The following GLRA2 variants were observed in gnomAD, a reference collection of about 807,000 sequenced individuals.
GLRA2 encodes glycine receptor alpha 2.
GLRA2 carries 11 observed loss-of-function variants against 31.6 expected under a neutral mutation model. The ratio of observed to expected loss-of-function variants is 0.35; its 90% CI spans 0.22 to 0.58. The LOEUF (loss-of-function observed/expected upper bound fraction) is 0.58, where lower values mean the gene tolerates loss of function less well. Ranked by LOEUF, GLRA2 falls within the 20% of genes least tolerant of loss-of-function variation. GLRA2 has a pLI of 0.84. For missense variants in GLRA2, 212 were observed against 351.8 expected, an observed-to-expected ratio of 0.60 and a Z score of 3.18; for synonymous variants, 132 against 134.0, an observed-to-expected ratio of 0.99 and a Z score of 0.10.
At chrX:14,700,442 A>G (rs1365698158) in intron 8 of GLRA2, among the ~76,000 whole-genome samples, 2 of 111,303 alleles carry the variant, frequency 1.8e-5, no homozygotes, top group Admixed American at 9.6e-5. Context: ...AGGCAGGGGG[A>G]AAGGAGCCCA....
chrX:14,487,571 C>T, the GLRA2 span, among the ~76,000 whole-genome samples: 1 of 111,021 alleles, frequency 9.0e-6, no homozygotes, highest in Non-Finnish European at 1.9e-5. Flanking sequence ...CCAGCATGAG[C>T]CTGATTATTC....
chrX:14,491,181 A>G, the GLRA2 span, among the ~76,000 whole-genome samples: 4 of 112,289 alleles, frequency 3.6e-5, no homozygotes, highest in African/African-American at 1.3e-4. Context: ...TTTTTTAAAC[A>G]TCAATAATAA....
chrX:14,654,288 T>C (rs1022322918), intron 7 of GLRA2, among the ~76,000 whole-genome samples: 1 of 111,889 alleles, frequency 8.9e-6, no homozygotes, highest in African/African-American at 3.2e-5. Context: ...AGATGATTGT[T>C]AGTATTTTTT....
chrX:14,508,380 G>A, the GLRA2 span, among the ~76,000 whole-genome samples: 27 of 112,384 alleles, frequency 2.4e-4, no homozygotes, highest in African/African-American at 8.1e-4. Flanking sequence ...AGGAGGGCTT[G>A]ATTAAATCTA....
At chrX:14,611,766 G>C (rs751549417) in intron 7 of GLRA2, among the ~76,000 whole-genome samples, 32 of 112,009 alleles carry the variant, frequency 2.9e-4, no homozygotes, top group African/African-American at 1.0e-3. Flanking sequence ...ACCTAGAACA[G>C]TATGTGGCTT....
intron 8 of GLRA2, among the ~76,000 whole-genome samples, chrX:14,698,090 A>C (rs1424072669): frequency 8.9e-6 from 1 of 111,945 alleles, no homozygotes; most frequent in Non-Finnish European, 1.9e-5. Context: ...AGGGTGAGGC[A>C]AGGTGAAGCA....
At chrX:14,490,891 G>T in the GLRA2 span, among the ~76,000 whole-genome samples, 1,337 of 111,456 alleles carry the variant, frequency 0.012, 18 homozygotes, top group African/African-American at 0.039. Context: ...ACCAGCTTCA[G>T]CACACAGCAC....
At chrX:14,584,851 G>T (rs1024591330) in intron 4 of GLRA2, among the ~76,000 whole-genome samples, 1 of 111,813 alleles carries the variant, frequency 8.9e-6, no homozygotes, top group African/African-American at 3.3e-5. Context: ...GCCTTGGGTG[G>T]CATTTGCTCT....
At chrX:14,532,066 C>T (rs1480295046) in intron 1 of GLRA2, among the ~76,000 whole-genome samples, 173 bp from the exon 2 acceptor site, 4 of 112,216 alleles carry the variant, frequency 3.6e-5, no homozygotes, top group Non-Finnish European at 5.6e-5. Context: ...TTAAAGTTAA[C>T]TTTAGAACAT....
intron 7 of GLRA2, among the ~76,000 whole-genome samples, chrX:14,663,708 TTATC>T (rs1438021077): frequency 8.9e-6 from 1 of 111,813 alleles, no homozygotes; most frequent in African/African-American, 3.2e-5. Context: ...TCATGTTAAT[TTATC>T]TAAGGAGAAA....
At position 14,698,576 on chromosome X, in the gene GLRA2, G is replaced by A. The variant is rs1233673077; in HGVS notation, c.1080+7717G>A. Among the ~76,000 whole-genome samples, 5 of 104,883 alleles carry A rather than the reference G, an allele frequency of 4.8e-5. No individual in the cohort carries two copies. The Admixed American group carries it at 5.2e-4, about 11-fold the overall frequency. 91.1% of individuals were successfully genotyped at this position (104,883 alleles called of 115,157 possible). A position where few individuals can be genotyped will look rare whatever the true frequency, so the allele number is the denominator to read the frequency against. ...ACCTGTGGTCCCAGGAACTCATGAG[G>A]CTGAGGCAGGAGAATCACTTGAACC... On this transcript the variant is annotated intron_variant, in intron 8 of 8. Transcript: ENST00000218075.
the GLRA2 span, among the ~76,000 whole-genome samples, chrX:14,517,762 A>C: frequency 2.3e-4 from 26 of 111,705 alleles, no homozygotes; most frequent in African/African-American, 6.8e-4. Context: ...TTCTAAGATA[A>C]AAACAGTAAA....
chrX:14,525,339 C>A (rs778896017), upstream of GLRA2, among the ~76,000 whole-genome samples: 20 of 110,933 alleles, frequency 1.8e-4, no homozygotes, highest in African/African-American at 4.6e-4. Context: ...CATTGCATTG[C>A]AAATAAAACC....
chrX:14,675,214 G>A (rs1293255571), intron 7 of GLRA2, among the ~76,000 whole-genome samples: 2 of 111,435 alleles, frequency 1.8e-5, no homozygotes, highest in Non-Finnish European at 3.8e-5. Context: ...GTGCCTTTCT[G>A]CAGAGTGTCC....
At chrX:14,706,782 T>C (rs1213894691) in intron 8 of GLRA2, among the ~76,000 whole-genome samples, 2 of 112,209 alleles carry the variant, frequency 1.8e-5, no homozygotes, top group African/African-American at 6.5e-5. Flanking sequence ...TTAACAAGAT[T>C]GAACAGTGCA....
At chrX:14,580,032 T>A (rs1445346008) in intron 3 of GLRA2, among the ~76,000 whole-genome samples, 1 of 112,020 alleles carries the variant, frequency 8.9e-6, no homozygotes, top group African/African-American at 3.2e-5. Flanking sequence ...CATCCTGAAA[T>A]GGTCTCCAGA....
the GLRA2 span, among the ~76,000 whole-genome samples, chrX:14,448,863 A>G: frequency 9.0e-6 from 1 of 110,569 alleles, no homozygotes; most frequent in Non-Finnish European, 1.9e-5. Flanking sequence ...TAAGCTGCTG[A>G]CCCTGAAGGA....
the GLRA2 span, among the ~76,000 whole-genome samples, chrX:14,493,579 A>ATCTATACACATATACACG: frequency 1.9e-5 from 2 of 104,950 alleles, no homozygotes; most frequent in African/African-American, 6.8e-5. Context: ...ACATATATAC[A>ATCTATACACATATACACG]TATATACACA....
At chrX:14,532,023 G>A (rs1374939365) in intron 1 of GLRA2, among the ~76,000 whole-genome samples, 3 of 111,632 alleles carry the variant, frequency 2.7e-5, no homozygotes, top group Non-Finnish European at 3.8e-5. Flanking sequence ...GGAAACCTGG[G>A]TGACGCGACT....
Sources: gnomAD v4.1 joint callset for allele counts (sites outside exome capture counted in the v4.1 genomes callset) on GRCh38, gnomAD v4.1.1 for gene constraint, MANE v1.5 for transcripts, NCBI Gene and HGNC (gene_info 2026-07-23, HGNC 2026-07-21) for gene names.